ACSF3: variants seen among roughly 807,000 people sequenced by gnomAD.
ACSF3 encodes malonate--CoA ligase ACSF3, mitochondrial.
Under a neutral mutation model 53.2 loss-of-function variants are expected in ACSF3, and 78 were observed. The observed-to-expected ratio is 1.47, with a 90% CI of 1.22 to 1.77. The LOEUF (loss-of-function observed/expected upper bound fraction) is 1.77. Ranked by LOEUF, ACSF3 falls within the 40% of genes most tolerant of loss-of-function variation. The pLI is 0.00. For missense variants in ACSF3, 937 were observed against 771.1 expected (o/e 1.22, Z -2.55); for synonymous variants, 414 against 333.1 (o/e 1.24, Z -2.65).
rs534777185 is a variant in ACSF3, at chr16:89,124,453, C to T, written c.1239+3540C>T. ...TGTGCGTATGTGTGTGATACCCGTG[C>T]GTACTCTGCGCATGTGTGATACCCG... On this transcript the variant is annotated intron_variant, in intron 7 of 10. Transcript: ENST00000614302. Among the ~76,000 whole-genome samples the T allele has an allele frequency of 5.7e-4, 86 of 149,740 alleles. 1 individual carries two copies. Among genetic ancestry groups the T allele is most frequent in the African/African-American group, 1.5e-3 (61 of 40,614 alleles).
chr16:89,151,368 G>C (rs974956965), intron 10 of ACSF3: 5 of 376,522 alleles, frequency 1.3e-5, no homozygotes, highest in African/African-American at 6.3e-5. Flanking sequence ...TGATGAAACA[G>C]AGTGGGGAGG....
chr16:89,097,388 G>T (rs750368450), intron 1 of ACSF3, among the ~76,000 whole-genome samples: 8 of 152,226 alleles, frequency 5.3e-5, no homozygotes, highest in Admixed American at 2.0e-4. Context: ...CCGTCCTAGT[G>T]CTCCGCTCCT....
chr16:89,119,066 G>A (rs1222044298), intron 6 of ACSF3, among the ~76,000 whole-genome samples: 1 of 151,780 alleles, frequency 6.6e-6, no homozygotes, highest in Non-Finnish European at 1.5e-5. Context: ...TTCATGGGTG[G>A]CACCTGGAGT....
Position 89,109,403 on chromosome 16 carries a change from CTTTTTTTTTTTT to C in ACSF3, c.823-2674_823-2663del, listed in dbSNP as rs1216544572. Among the ~76,000 whole-genome samples, 9 of 50,694 alleles carry C rather than the reference CTTTTTTTTTTTT, an allele frequency of 1.8e-4. 1 individual carries two copies. The South Asian group carries it at 5.0e-3, about 28-fold the overall frequency. The allele number at this position is 50,694 out of a possible 152,430, so 33.3% of individuals were successfully genotyped here. A position where few individuals can be genotyped will look rare whatever the true frequency, so the allele number is the denominator to read the frequency against. On this transcript the variant is annotated intron_variant, in intron 4 of 10. Transcript: ENST00000614302. ...TTCCCTAATGACTACTGATGTTAAG[CTTTTTTTTTTTT>C]TTTTTTTTTTTTTTGAGATGGAGTC... is the stretch of plus-strand genomic sequence containing the variant.
At chr16:89,143,950 A>G (rs916096323) in intron 8 of ACSF3, among the ~76,000 whole-genome samples, 14 of 152,230 alleles carry the variant, frequency 9.2e-5, no homozygotes, top group African/African-American at 3.4e-4. Flanking sequence ...TATTCCAGCT[A>G]ATAACCCATG....
chr16:89,131,195 G>C (rs1343012550), intron 7 of ACSF3, among the ~76,000 whole-genome samples: 5 of 129,838 alleles, frequency 3.9e-5, no homozygotes, highest in African/African-American at 1.4e-4. Flanking sequence ...GTGCAGGGCT[G>C]CAGTCTTGGT....
chr16:89,112,348 C>A, intron 5 of ACSF3, 102 bp downstream of exon 5: 1 of 1,468,402 alleles, frequency 6.8e-7, no homozygotes. Context: ...GGAAGCAGTG[C>A]TTTCCATTTC....
At chr16:89,146,329 G>A (rs923897096) in intron 10 of ACSF3, among the ~76,000 whole-genome samples, 23 of 152,136 alleles carry the variant, frequency 1.5e-4, no homozygotes, top group African/African-American at 4.8e-4. Flanking sequence ...GGTGGGTTCC[G>A]TCCTGGTCCC....
At chr16:89,111,753 G>A (rs887497128) in intron 4 of ACSF3, among the ~76,000 whole-genome samples, 2 of 152,200 alleles carry the variant, frequency 1.3e-5, no homozygotes, top group Admixed American at 6.5e-5. Flanking sequence ...TCAGGTCTGC[G>A]GGCAGCCAGG....
At chr16:89,135,298 A>G (rs115036553) in intron 8 of ACSF3, among the ~76,000 whole-genome samples, 24 of 152,344 alleles carry the variant, frequency 1.6e-4, no homozygotes, top group African/African-American at 5.3e-4. Context: ...GGAAGGGGCA[A>G]TGTTGGCCTG....
intron 6 of ACSF3, among the ~76,000 whole-genome samples, chr16:89,115,871 A>C (rs1905044818): frequency 6.6e-6 from 1 of 152,112 alleles, no homozygotes; most frequent in South Asian, 2.1e-4. Context: ...GAGTTTTGAG[A>C]GCTTTTAAAA....
intron 4 of ACSF3, among the ~76,000 whole-genome samples, chr16:89,109,314 C>T (rs1976406128): frequency 6.6e-6 from 1 of 150,592 alleles, no homozygotes; most frequent in South Asian, 2.1e-4. Context: ...TTCTCATCAG[C>T]AGCGTATGAG....
intron 4 of ACSF3, among the ~76,000 whole-genome samples, chr16:89,105,548 C>T (rs2151425215): frequency 6.6e-6 from 1 of 152,340 alleles, no homozygotes; most frequent in South Asian, 2.1e-4. Flanking sequence ...CCGCCTTAAG[C>T]TCCTCCTTTC....
At chr16:89,117,718 G>A (rs1905421251) in intron 6 of ACSF3, among the ~76,000 whole-genome samples, 1 of 151,958 alleles carries the variant, frequency 6.6e-6, no homozygotes, top group South Asian at 2.1e-4. Context: ...GAGACCCAGG[G>A]GAGGCTCAGC....
chr16:89,109,810 C>G (rs900780902), intron 4 of ACSF3, among the ~76,000 whole-genome samples: 11 of 152,222 alleles, frequency 7.2e-5, no homozygotes, highest in Admixed American at 1.3e-4. Flanking sequence ...TGGCCTCACA[C>G]TCCTGAGCTC....
At chr16:89,098,069 G>C (rs1043210544) in intron 1 of ACSF3, among the ~76,000 whole-genome samples, 3 of 151,550 alleles carry the variant, frequency 2.0e-5, no homozygotes, top group African/African-American at 7.3e-5. Flanking sequence ...GCGAGACTCC[G>C]TCTCAAAAAA....
intron 7 of ACSF3, among the ~76,000 whole-genome samples, chr16:89,123,924 G>A (rs527658212): frequency 3.2e-4 from 48 of 152,026 alleles, no homozygotes; most frequent in Admixed American, 5.9e-4. Context: ...CATGCAGTGC[G>A]CGCACGGGTA....
intron 7 of ACSF3, among the ~76,000 whole-genome samples, chr16:89,130,961 A>G (rs759872905): frequency 6.6e-5 from 10 of 151,924 alleles, no homozygotes; most frequent in Non-Finnish European, 1.2e-4. Flanking sequence ...TCGTTTCTTC[A>G]TCGTCCTGCT....
At chr16:89,107,358 G>C (rs1976120846) in intron 4 of ACSF3, among the ~76,000 whole-genome samples, 1 of 152,136 alleles carries the variant, frequency 6.6e-6, no homozygotes, top group African/African-American at 2.4e-5. Context: ...CCCGTTGCGT[G>C]CATGCTGTCC....
Sources: gnomAD v4.1 joint callset for allele counts (sites outside exome capture counted in the v4.1 genomes callset) on GRCh38, gnomAD v4.1.1 for gene constraint, MANE v1.5 for transcripts, NCBI Gene and HGNC (gene_info 2026-07-23, HGNC 2026-07-21) for gene names.